The following ANKFN1 variants were observed in gnomAD, a reference collection of about 807,000 sequenced individuals.
ANKFN1 encodes ankyrin repeat and fibronectin type-III domain-containing protein 1.
Under a neutral mutation model 108.7 loss-of-function variants are expected in ANKFN1, and 74 were observed. The observed-to-expected ratio is 0.68, with a 90% CI of 0.56 to 0.83. The LOEUF (loss-of-function observed/expected upper bound fraction) is 0.83, where lower values mean the gene tolerates loss of function less well. ANKFN1 is among the 40% of genes least tolerant of loss of function. The pLI is 0.00. For missense variants in ANKFN1, 1,505 were observed against 1,382.3 expected (o/e 1.09, Z -1.41); for synonymous variants, 547 against 516.2 (o/e 1.06, Z -0.81).
At chr17:56,068,445 G>A (rs1905085721) in intron 4 of ANKFN1, among the ~76,000 whole-genome samples, 1 of 152,154 alleles carries the variant, frequency 6.6e-6, no homozygotes, top group Non-Finnish European at 1.5e-5. Flanking sequence ...CACCTAGTGT[G>A]GCAGAAAAAG....
chr17:56,073,121 T>C (rs1314849310), intron 4 of ANKFN1, among the ~76,000 whole-genome samples: 3 of 151,256 alleles, frequency 2.0e-5, no homozygotes, highest in Non-Finnish European at 4.4e-5. Context: ...GCCTCCCAAG[T>C]AGCTGGGACT....
chr17:56,087,942 GT>G (rs1281288194), intron 4 of ANKFN1, among the ~76,000 whole-genome samples: 1 of 150,750 alleles, frequency 6.6e-6, no homozygotes, highest in Non-Finnish European at 1.5e-5. Flanking sequence ...ACCTCTATAT[GT>G]GTGTGTGTGT....
intron 8 of ANKFN1, among the ~76,000 whole-genome samples, chr17:56,437,973 G>GGT (rs150040769): frequency 0.059 from 8,434 of 142,188 alleles, 263 homozygotes; most frequent in Middle Eastern, 0.067. Flanking sequence ...ATCTACTGTA[G>GGT]GTGTGTGTGT....
chr17:56,224,348 CATAAA>C (rs1401262482), intron 2 of ANKFN1, among the ~76,000 whole-genome samples: 1 of 152,070 alleles, frequency 6.6e-6, no homozygotes, highest in Non-Finnish European at 1.5e-5. Flanking sequence ...GTAAAATTAA[CATAAA>C]ATAGAATTAA....
chr17:56,327,260 C>T (rs189123318), intron 4 of ANKFN1, among the ~76,000 whole-genome samples: 2 of 152,224 alleles, frequency 1.3e-5, no homozygotes, highest in Non-Finnish European at 2.9e-5. Flanking sequence ...CCACCATCCC[C>T]GCCCCCACCA....
intron 3 of ANKFN1, among the ~76,000 whole-genome samples, chr17:56,287,316 T>A (rs775130967): frequency 1.3e-5 from 2 of 152,214 alleles, no homozygotes; most frequent in Non-Finnish European, 2.9e-5. Flanking sequence ...CAAGCCTGGC[T>A]TTGAGTCCTG....
chr17:56,095,307 T>TTTTC (rs1555593398), intron 4 of ANKFN1, among the ~76,000 whole-genome samples: 11 of 150,124 alleles, frequency 7.3e-5, no homozygotes, highest in East Asian at 3.9e-4. Flanking sequence ...TTTTTTTTTT[T>TTTTC]CTGATACGTG....
intron 18 of ANKFN1, among the ~76,000 whole-genome samples, chr17:56,483,852 GGTGA>G (rs1568040184): frequency 6.6e-6 from 1 of 152,156 alleles, no homozygotes; most frequent in African/African-American, 2.4e-5. Context: ...GAGATTTAGA[GGTGA>G]GTAAGACAAA....
At chr17:56,139,395 T>C (rs928649557) in intron 4 of ANKFN1, among the ~76,000 whole-genome samples, 3 of 152,138 alleles carry the variant, frequency 2.0e-5, no homozygotes, top group African/African-American at 7.2e-5. Flanking sequence ...TCACACCTGG[T>C]TGAATATTGC....
Position 56,503,042 on chromosome 17 carries a change from CA to C in ANKFN1, c.2644+3945del, listed in dbSNP as rs1233016404. Among the ~76,000 whole-genome samples the C allele has an allele frequency of 7.2e-5, 11 of 152,258 alleles. No homozygotes were observed. In the East Asian group the frequency reaches 2.1e-3, roughly 29 times the overall value. The stretch of plus-strand genomic sequence containing the variant: ...GGCTTCTAGAAAATGCAGCTCAAGG[CA>C]GGGAGTGGAATGATTTGGTCCATCA... On this transcript the variant is annotated intron_variant, in intron 20 of 20. Transcript: ENST00000682825.
intron 3 of ANKFN1, among the ~76,000 whole-genome samples, chr17:56,283,849 C>T (rs931113103): frequency 2.6e-5 from 4 of 152,038 alleles, no homozygotes; most frequent in Non-Finnish European, 5.9e-5. Flanking sequence ...AGAACTTACT[C>T]ATGTAACCAA....
At chr17:56,081,923 C>T (rs896543293) in intron 4 of ANKFN1, among the ~76,000 whole-genome samples, 84 of 152,178 alleles carry the variant, frequency 5.5e-4, no homozygotes, top group African/African-American at 1.7e-3. Context: ...TGTGAGCCCA[C>T]GCACCGAACT....
chr17:56,064,904 A>G (rs988951764), intron 4 of ANKFN1, among the ~76,000 whole-genome samples: 16 of 152,198 alleles, frequency 1.1e-4, no homozygotes, highest in Non-Finnish European at 1.6e-4. Context: ...TTCTGTGGAA[A>G]AAGCATGGTT....
chr17:56,322,293 AC>A (rs1214736516), intron 3 of ANKFN1, among the ~76,000 whole-genome samples: 1 of 152,034 alleles, frequency 6.6e-6, no homozygotes, highest in Non-Finnish European at 1.5e-5. Flanking sequence ...CCCCACCTAT[AC>A]TATTGACAAT....
chr17:56,144,556 C>G (rs1908143142), intron 4 of ANKFN1, among the ~76,000 whole-genome samples: 1 of 152,124 alleles, frequency 6.6e-6, no homozygotes, highest in Non-Finnish European at 1.5e-5. Context: ...ATGAGAGTTC[C>G]AATGCTGCAG....
At chr17:56,111,592 T>C (rs1905967190) in intron 4 of ANKFN1, among the ~76,000 whole-genome samples, 1 of 151,022 alleles carries the variant, frequency 6.6e-6, no homozygotes, top group South Asian at 2.1e-4. Context: ...TACAAATGTA[T>C]GCTGGAATAA....
intron 2 of ANKFN1, among the ~76,000 whole-genome samples, chr17:56,222,616 C>A (rs1160518070): frequency 6.6e-6 from 1 of 152,146 alleles, no homozygotes; most frequent in Non-Finnish European, 1.5e-5. Flanking sequence ...AAAGAGAGTT[C>A]TTGAAACTCA....
At chr17:56,223,781 G>A (rs939613712) in intron 2 of ANKFN1, among the ~76,000 whole-genome samples, 2 of 152,080 alleles carry the variant, frequency 1.3e-5, no homozygotes, top group Non-Finnish European at 2.9e-5. Flanking sequence ...TCCAATGGAT[G>A]GTACCGTTCT....
chr17:56,236,707 G>A (rs1917182009), intron 3 of ANKFN1, among the ~76,000 whole-genome samples: 1 of 152,084 alleles, frequency 6.6e-6, no homozygotes, highest in Non-Finnish European at 1.5e-5. Flanking sequence ...GATTGCTCTG[G>A]CCAGGACTTC....
Sources: gnomAD v4.1 joint callset for allele counts (sites outside exome capture counted in the v4.1 genomes callset) on GRCh38, gnomAD v4.1.1 for gene constraint, MANE v1.5 for transcripts, NCBI Gene and HGNC (gene_info 2026-07-23, HGNC 2026-07-21) for gene names.